The following UBAC2 variants were observed in gnomAD, a reference collection of about 807,000 sequenced individuals.
The protein encoded by UBAC2 is ubiquitin-associated domain-containing protein 2.
Under a neutral mutation model 44.0 loss-of-function variants are expected in UBAC2, and 26 were observed. The ratio of observed to expected loss-of-function variants is 0.59; its 90% CI spans 0.43 to 0.82. The LOEUF is 0.82. Among genes scored for constraint, UBAC2 ranks in the 40% least tolerant of loss-of-function variants. The pLI is 0.00. For synonymous variants in UBAC2, 155 were observed against 154.3 expected (o/e 1.00, Z -0.04); for missense variants, 329 against 419.4 (o/e 0.78, Z 1.88).
At chr13:99,255,673 A>G (rs771953548) in intron 4 of UBAC2, 1 of 1,613,854 alleles carries the variant, frequency 6.2e-7, no homozygotes, top group South Asian at 1.1e-5. Flanking sequence ...TATCAAGTCC[A>G]CTAATGCCAC....
At chr13:99,273,908 C>A (rs1052179289) in intron 4 of UBAC2, among the ~76,000 whole-genome samples, 2 of 149,382 alleles carry the variant, frequency 1.3e-5, no homozygotes, top group African/African-American at 4.9e-5. Context: ...TTTTTGCTCT[C>A]CTTGCTGGGA....
chr13:99,255,044 G>A (rs1051577), intron 4 of UBAC2: 1 of 1,613,992 alleles, frequency 6.2e-7, no homozygotes, highest in East Asian at 2.2e-5. Flanking sequence ...CACGTGCTGA[G>A]GTTCATGAGG....
intron 4 of UBAC2, among the ~76,000 whole-genome samples, chr13:99,307,011 A>T (rs1024818451): frequency 3.9e-5 from 6 of 152,244 alleles, no homozygotes; most frequent in Non-Finnish European, 7.3e-5. Context: ...ATACTAAGTT[A>T]TCCTGAAATA....
chr13:99,200,987 A>G (rs2042787939), intron 1 of UBAC2, 48 bp downstream of exon 1: 2 of 1,297,274 alleles, frequency 1.5e-6, no homozygotes, highest in Non-Finnish European at 2.0e-6. Context: ...ACGCCACCCT[A>G]GGCACCTCTT....
intron 4 of UBAC2, among the ~76,000 whole-genome samples, chr13:99,257,896 C>A (rs1389237975): frequency 6.6e-6 from 1 of 151,938 alleles, no homozygotes; most frequent in Non-Finnish European, 1.5e-5. Context: ...GATTATATAG[C>A]CTATTTCAAG....
chr13:99,211,626 A>G (rs1285620588), intron 1 of UBAC2, among the ~76,000 whole-genome samples: 1 of 152,272 alleles, frequency 6.6e-6, no homozygotes, highest in Non-Finnish European at 1.5e-5. Context: ...CCCAATTTGC[A>G]GATGAGGAGA....
chr13:99,256,756 G>GACTCCTC (rs2043568052), intron 4 of UBAC2, among the ~76,000 whole-genome samples: 2 of 150,286 alleles, frequency 1.3e-5, no homozygotes, highest in Non-Finnish European at 2.9e-5. Flanking sequence ...AGGTTATTTG[G>GACTCCTC]GGTTGCAAAT....
At chr13:99,233,454 G>A (rs1446133570) in intron 1 of UBAC2, among the ~76,000 whole-genome samples, 1 of 152,122 alleles carries the variant, frequency 6.6e-6, no homozygotes, top group Non-Finnish European at 1.5e-5. Context: ...TTCCCTAACA[G>A]GGATCCTTAG....
At chr13:99,254,621 C>A (rs1012651853) in intron 4 of UBAC2, 1 of 332,686 alleles carries the variant, frequency 3.0e-6, no homozygotes, top group Non-Finnish European at 5.5e-6. Flanking sequence ...ACTTGATTAA[C>A]ACACATGTGT....
At chr13:99,217,248 C>G (rs1200987183) in intron 1 of UBAC2, among the ~76,000 whole-genome samples, 1 of 152,204 alleles carries the variant, frequency 6.6e-6, no homozygotes, top group African/African-American at 2.4e-5. Flanking sequence ...GTCAGTCCCT[C>G]CATCCATTAG....
intron 4 of UBAC2, among the ~76,000 whole-genome samples, chr13:99,252,409 C>A (rs970609411): frequency 2.0e-5 from 3 of 152,164 alleles, no homozygotes; most frequent in African/African-American, 7.2e-5. Context: ...ACAGTGTAGC[C>A]CCAGTAAGAC....
At chr13:99,259,784 A>G (rs1025702096) in intron 4 of UBAC2, among the ~76,000 whole-genome samples, 12 of 152,220 alleles carry the variant, frequency 7.9e-5, no homozygotes, top group African/African-American at 2.4e-4. Flanking sequence ...TTCTAAAATT[A>G]AGTATTGATT....
At chr13:99,220,099 A>G (rs2043038035) in intron 1 of UBAC2, among the ~76,000 whole-genome samples, 1 of 152,210 alleles carries the variant, frequency 6.6e-6, no homozygotes, top group South Asian at 2.1e-4. Flanking sequence ...AGGTCATGTC[A>G]TAATTCTGTG....
intron 7 of UBAC2, among the ~76,000 whole-genome samples, chr13:99,365,607 G>A (rs931550375): frequency 2.6e-5 from 4 of 151,818 alleles, no homozygotes; most frequent in Admixed American, 2.0e-4. Flanking sequence ...TCATTTAATT[G>A]CATTATGGTG....
chr13:99,254,193 T>C (rs2043498993), intron 4 of UBAC2, among the ~76,000 whole-genome samples: 1 of 152,194 alleles, frequency 6.6e-6, no homozygotes, highest in African/African-American at 2.4e-5. Flanking sequence ...CATTTCACCA[T>C]ATAGTAGAAA....
intron 1 of UBAC2, among the ~76,000 whole-genome samples, chr13:99,213,169 A>G (rs908107676): frequency 2.3e-4 from 35 of 152,080 alleles, no homozygotes; most frequent in African/African-American, 7.0e-4. Context: ...TGTTCTTCCA[A>G]CATCTCAGAT....
At chr13:99,281,887 G>A (rs766459799) in intron 4 of UBAC2, among the ~76,000 whole-genome samples, 4 of 152,188 alleles carry the variant, frequency 2.6e-5, no homozygotes, top group African/African-American at 4.8e-5. Flanking sequence ...GGTCTCAGTG[G>A]CCAGAGTGTC....
chr13:99,366,079 G>A (rs1014759798), intron 7 of UBAC2, among the ~76,000 whole-genome samples: 1 of 152,008 alleles, frequency 6.6e-6, no homozygotes, highest in Admixed American at 6.6e-5. Context: ...ACTTGTGTAC[G>A]TCTTTATATT....
At chr13:99,240,167 G>GCAAAA (rs2043283883) in intron 2 of UBAC2, among the ~76,000 whole-genome samples, 1 of 152,172 alleles carries the variant, frequency 6.6e-6, no homozygotes, top group Admixed American at 6.5e-5. Flanking sequence ...AGTGAATGCA[G>GCAAAA]AGGTACAGTC....
Sources: allele counts gnomAD v4.1 joint callset (sites outside exome capture counted in the v4.1 genomes callset), GRCh38; gene constraint gnomAD v4.1.1; transcripts MANE v1.5; gene names NCBI Gene and HGNC (gene_info 2026-07-23, HGNC 2026-07-21).